Variants in RERG observed in about 807,000 individuals in gnomAD.
RERG encodes the protein RAS like estrogen regulated growth inhibitor.
In RERG, 25 loss-of-function variants were observed where a neutral mutation model predicts 23.2. That is an observed-to-expected ratio of 1.08 (90% CI 0.79 to 1.50). The LOEUF (loss-of-function observed/expected upper bound fraction) is 1.50, where lower values mean the gene tolerates loss of function less well. RERG is among the 40% of genes most tolerant of loss of function. The pLI, the probability that RERG is intolerant of heterozygous loss-of-function variation, is 0.00. For missense variants in RERG, 253 were observed against 250.1 expected (o/e 1.01, Z -0.08); for synonymous variants, 81 against 89.1 (o/e 0.91, Z 0.51).
chr12:15,201,561 T>TAAC (rs137981146), intron 2 of RERG, among the ~76,000 whole-genome samples: 3,416 of 149,072 alleles, frequency 0.023, 142 homozygotes, highest in African/African-American at 0.079. Flanking sequence ...TAATAGTAAT[T>TAAC]AATAATAATA....
rs80168839 is a variant in RERG, at chr12:15,146,772, G to A, written c.62-25653C>T. On this transcript the variant is annotated intron_variant, in intron 2 of 4. Coordinates refer to ENST00000256953, the MANE Select transcript of RERG (RefSeq NM_032918.3). ...CTAAACTGACAACTGTGAGTTAAGC[G>A]CAGAATGAAAGCTAGTCTTTGAATT... is the stretch of plus-strand genomic sequence containing the variant. 2.0e-3 allele frequency among the ~76,000 whole-genome samples: 312 copies of A among 152,282 alleles called. 1 individual carries two copies. The highest frequency in any genetic ancestry group is 2.2e-3 in the Non-Finnish European group (150 of 68,014).
chr12:15,141,242 A>G (rs1490653205), intron 2 of RERG, among the ~76,000 whole-genome samples: 1 of 146,790 alleles, frequency 6.8e-6, no homozygotes, highest in Non-Finnish European at 1.5e-5. Context: ...TGCAACCTCC[A>G]CCTCCCAAGT....
chr12:15,130,467 T>C (rs571926191), intron 2 of RERG, among the ~76,000 whole-genome samples: 1 of 152,316 alleles, frequency 6.6e-6, no homozygotes, highest in African/African-American at 2.4e-5. Flanking sequence ...TATCTCTTCA[T>C]ATAGTGATTA....
chr12:15,197,724 T>C (rs1020607207), intron 2 of RERG, among the ~76,000 whole-genome samples: 27 of 152,162 alleles, frequency 1.8e-4, no homozygotes, highest in African/African-American at 6.5e-4. Flanking sequence ...CTAATTTAAG[T>C]CATTTTAGGA....
chr12:15,191,768 C>T (rs572167478), intron 2 of RERG, among the ~76,000 whole-genome samples: 9 of 152,314 alleles, frequency 5.9e-5, no homozygotes, highest in Non-Finnish European at 1.2e-4. Flanking sequence ...TCCTACTCAT[C>T]TTCAGCTCTG....
chr12:15,178,213 T>C (rs1380616224), intron 2 of RERG, among the ~76,000 whole-genome samples: 1 of 152,198 alleles, frequency 6.6e-6, no homozygotes, highest in Non-Finnish European at 1.5e-5. Flanking sequence ...CTCTAAGCTC[T>C]CTACAAAATG....
intron 2 of RERG, among the ~76,000 whole-genome samples, chr12:15,143,696 A>G (rs2088605269): frequency 1.3e-5 from 2 of 152,172 alleles, no homozygotes; most frequent in African/African-American, 4.8e-5. Context: ...ATTTTAGTAC[A>G]GGCAAACAGA....
intron 2 of RERG, among the ~76,000 whole-genome samples, chr12:15,201,668 T>C (rs955483037): frequency 6.7e-6 from 1 of 149,406 alleles, no homozygotes; most frequent in Non-Finnish European, 1.5e-5. Context: ...TTAGTAATAA[T>C]AGTAATTAAC....
chr12:15,156,333 G>A (rs1864522143), intron 2 of RERG, among the ~76,000 whole-genome samples: 1 of 152,196 alleles, frequency 6.6e-6, no homozygotes, highest in East Asian at 1.9e-4. Context: ...TCCCATACAA[G>A]TTCACAGACC....
chr12:15,160,392 C>T (rs1864587019), intron 2 of RERG, among the ~76,000 whole-genome samples: 1 of 152,176 alleles, frequency 6.6e-6, no homozygotes, highest in South Asian at 2.1e-4. Context: ...TGAAACATGG[C>T]TTTTTAGAAA....
At chr12:15,116,562 G>A (rs568523741) in intron 3 of RERG, among the ~76,000 whole-genome samples, 1 of 152,312 alleles carries the variant, frequency 6.6e-6, no homozygotes, top group Non-Finnish European at 1.5e-5. Flanking sequence ...CCCAGACATA[G>A]CAGCGTGTGG....
chr12:15,115,903 C>A (rs1863711918), intron 3 of RERG, among the ~76,000 whole-genome samples: 1 of 152,098 alleles, frequency 6.6e-6, no homozygotes, highest in Non-Finnish European at 1.5e-5. Flanking sequence ...ATAAGCACGG[C>A]ACATTGCTCA....
chr12:15,177,471 C>A (rs1011157285), intron 2 of RERG, among the ~76,000 whole-genome samples: 1 of 152,104 alleles, frequency 6.6e-6, no homozygotes, highest in African/African-American at 2.4e-5. Context: ...AAAAAATTTA[C>A]AATTCATACA....
intron 2 of RERG, among the ~76,000 whole-genome samples, chr12:15,185,537 T>G (rs1864978357): frequency 6.6e-6 from 1 of 152,134 alleles, no homozygotes; most frequent in African/African-American, 2.4e-5. Flanking sequence ...CACTCCAACC[T>G]GTATGAAAGT....
chr12:15,199,439 T>A (rs940341582), intron 2 of RERG, among the ~76,000 whole-genome samples: 1 of 152,148 alleles, frequency 6.6e-6, no homozygotes, highest in South Asian at 2.1e-4. Flanking sequence ...AATCTTCGTA[T>A]TCTTAGTCCA....
chr12:15,110,463 C>CTTTCT (rs1863586835), intron 4 of RERG, among the ~76,000 whole-genome samples: 3 of 73,082 alleles, frequency 4.1e-5, no homozygotes, highest in Non-Finnish European at 7.3e-5. Context: ...CCATTTTTTT[C>CTTTCT]TTTTTTTTTT....
At chr12:15,163,969 C>T (rs1038964080) in intron 2 of RERG, among the ~76,000 whole-genome samples, 5 of 152,004 alleles carry the variant, frequency 3.3e-5, no homozygotes, top group Admixed American at 6.6e-5. Context: ...TTTTCCTTTC[C>T]ATATTGCAGT....
At chr12:15,170,598 C>A (rs1302298021) in intron 2 of RERG, among the ~76,000 whole-genome samples, 1 of 152,102 alleles carries the variant, frequency 6.6e-6, no homozygotes, top group Non-Finnish European at 1.5e-5. Context: ...ACTCTGTTTA[C>A]CTTTTGGATC....
chr12:15,158,568 C>T (rs1283136257), intron 2 of RERG, among the ~76,000 whole-genome samples: 1 of 152,110 alleles, frequency 6.6e-6, no homozygotes, highest in Non-Finnish European at 1.5e-5. Flanking sequence ...AAGTGTGAAC[C>T]ATTGTGCCTG....
Sources: allele counts gnomAD v4.1 joint callset (sites outside exome capture counted in the v4.1 genomes callset), GRCh38; gene constraint gnomAD v4.1.1; transcripts MANE v1.5; gene names NCBI Gene and HGNC (gene_info 2026-07-23, HGNC 2026-07-21).